Variants in TSHZ2 observed in about 807,000 individuals in gnomAD.
The protein encoded by TSHZ2 is teashirt homolog 2.
TSHZ2 carries 21 observed loss-of-function variants against 74.4 expected under a neutral mutation model. The ratio of observed to expected loss-of-function variants is 0.28; its 90% CI spans 0.20 to 0.41. The LOEUF is 0.41. Among genes scored for constraint, TSHZ2 ranks in the 10% least tolerant of loss-of-function variants. The probability of loss-of-function intolerance (pLI) is 1.00; values close to 1 mark genes in which losing one functional copy is unlikely to be tolerated. For missense variants in TSHZ2, 1,244 were observed against 1,293.5 expected (o/e 0.96, Z 0.59); for synonymous variants, 540 against 515.3 (o/e 1.05, Z -0.65).
At chr20:53,080,664 G>A (rs553552213) in intron 1 of TSHZ2, among the ~76,000 whole-genome samples, 1 of 152,244 alleles carries the variant, frequency 6.6e-6, no homozygotes, top group East Asian at 1.9e-4. Flanking sequence ...TATGAAAATC[G>A]AATGCCCCTG....
intron 2 of TSHZ2, among the ~76,000 whole-genome samples, chr20:53,424,965 T>C (rs1983606430): frequency 6.6e-6 from 1 of 152,250 alleles, no homozygotes; most frequent in Admixed American, 6.5e-5. Flanking sequence ...CAGTCTATCA[T>C]TGATGGGCAT....
At chr20:52,978,232 G>A (rs1198005814) in intron 1 of TSHZ2, among the ~76,000 whole-genome samples, 3 of 152,158 alleles carry the variant, frequency 2.0e-5, no homozygotes, top group Non-Finnish European at 4.4e-5. Flanking sequence ...GGTCATGGGG[G>A]TGGGGGCACA....
chr20:53,112,957 A>G (rs1235768319), intron 1 of TSHZ2, among the ~76,000 whole-genome samples: 1 of 152,226 alleles, frequency 6.6e-6, no homozygotes, highest in South Asian at 2.1e-4. Flanking sequence ...GGGGCCTGAG[A>G]AAAGGACAGG....
chr20:53,328,339 A>G (rs1209867800), intron 2 of TSHZ2, among the ~76,000 whole-genome samples: 1 of 152,252 alleles, frequency 6.6e-6, no homozygotes, highest in East Asian at 1.9e-4. Context: ...AGCACTGTGC[A>G]AGCAGCAGGA....
At chr20:53,271,994 G>T (rs191821644) in intron 2 of TSHZ2, among the ~76,000 whole-genome samples, 3 of 152,130 alleles carry the variant, frequency 2.0e-5, no homozygotes, top group Admixed American at 2.0e-4. Context: ...TGCAGGGCTG[G>T]GAAGTGAGTG....
chr20:53,089,967 G>A (rs1388888848), intron 1 of TSHZ2, among the ~76,000 whole-genome samples: 1 of 152,250 alleles, frequency 6.6e-6, no homozygotes, highest in Non-Finnish European at 1.5e-5. Flanking sequence ...CCATCTGCAA[G>A]CTGAGGAGCA....
chr20:53,201,339 C>T (rs1388836891), intron 1 of TSHZ2, among the ~76,000 whole-genome samples: 1 of 152,110 alleles, frequency 6.6e-6, no homozygotes, highest in Non-Finnish European at 1.5e-5. Context: ...CGGGAGGCTC[C>T]AGAGGAGATT....
chr20:53,159,615 A>G (rs1256090745), intron 1 of TSHZ2, among the ~76,000 whole-genome samples: 1 of 152,114 alleles, frequency 6.6e-6, no homozygotes, highest in Non-Finnish European at 1.5e-5. Context: ...AAAGAGAAAT[A>G]AATGTTTTTT....
intron 2 of TSHZ2, among the ~76,000 whole-genome samples, chr20:53,470,040 C>A (rs914484392): frequency 6.6e-6 from 1 of 152,194 alleles, no homozygotes; most frequent in African/African-American, 2.4e-5. Context: ...AAGAGTCCCT[C>A]TTGCCATTTG....
chr20:53,412,247 G>C (rs1983079356), intron 2 of TSHZ2, among the ~76,000 whole-genome samples: 1 of 152,182 alleles, frequency 6.6e-6, no homozygotes, highest in Non-Finnish European at 1.5e-5. Context: ...CTCTATGGCT[G>C]CTCCTCTGGT....
chr20:53,433,576 GACACACAGACACACACACACACACACAC>G (rs1983921825), intron 2 of TSHZ2, among the ~76,000 whole-genome samples: 1 of 76,700 alleles, frequency 1.3e-5, no homozygotes, highest in Non-Finnish European at 2.7e-5. Context: ...CAGACACACA[GACACACAGACACACACACACACACACAC>G]ACACACACAC....
rs897875832 is a variant in TSHZ2 at position 53,485,899 on chromosome 20, A to T, written c.*9-1245A>T. Among the ~76,000 whole-genome samples the T allele has an allele frequency of 3.3e-4, 50 of 152,224 alleles. 1 individual carries two copies. The highest frequency in any genetic ancestry group is 1.1e-3 in the African/African-American group (45 of 41,458). On this transcript the variant is annotated intron_variant, in intron 2 of 2. Transcript: ENST00000371497. ...TTGCAGTAAAATACACACAACATAAAATTTATCATTTTCACTATTAAGTGC... is the reference window on the plus strand; with the variant it reads ...TTGCAGTAAAATACACACAACATAATATTTATCATTTTCACTATTAAGTGC...
intron 1 of TSHZ2, among the ~76,000 whole-genome samples, chr20:53,042,697 A>G (rs969451920): frequency 1.9e-5 from 2 of 103,440 alleles, no homozygotes; most frequent in Non-Finnish European, 4.4e-5. Flanking sequence ...ATGGAAGTAG[A>G]GAAGAAAAAA....
At position 53,034,323 on chromosome 20, in the gene TSHZ2, TTA is replaced by T. The variant is rs1983745621; in HGVS notation, c.40+60998_40+60999del. ...ACAGCTGCATTAAAGGGTTGTTGGC[TTA>T]TATATATTATCAATAGCTTTTATTA... is the stretch of plus-strand genomic sequence containing the variant. On this transcript the variant is annotated intron_variant, in intron 1 of 2. Transcript: ENST00000371497. Among the ~76,000 whole-genome samples, 3 of 152,194 alleles carry T rather than the reference TTA, an allele frequency of 2.0e-5. No homozygotes were observed. The South Asian group carries it at 6.2e-4, about 32-fold the overall frequency.
At chr20:53,217,269 C>T (rs1372529319) in intron 1 of TSHZ2, among the ~76,000 whole-genome samples, 1 of 152,156 alleles carries the variant, frequency 6.6e-6, no homozygotes, top group African/African-American at 2.4e-5. Flanking sequence ...GTACCAGCGC[C>T]CTCTGCTGGT....
chr20:53,242,307 CA>C (rs1003499511), intron 1 of TSHZ2, among the ~76,000 whole-genome samples: 2 of 152,096 alleles, frequency 1.3e-5, no homozygotes, highest in African/African-American at 4.8e-5. Flanking sequence ...CCCTGGGGAA[CA>C]AAAACCACCC....
rs1006347589 is a variant in TSHZ2, at chr20:53,127,819, G to C, written c.41-125680G>C. Among the ~76,000 whole-genome samples the C allele has an allele frequency of 5.3e-5, 8 of 152,306 alleles. 1 individual carries two copies. The East Asian group carries it at 1.5e-3, about 29-fold the overall frequency. ...ACAAGATGACTTGCTCACGGTCAGA[G>C]GGCCAGGAAGAGGCAGAGGCATGAT... On this transcript the variant is annotated intron_variant, in intron 1 of 2. Transcript: ENST00000371497.
At chr20:53,041,558 A>G (rs1984042645) in intron 1 of TSHZ2, among the ~76,000 whole-genome samples, 1 of 151,494 alleles carries the variant, frequency 6.6e-6, no homozygotes, top group South Asian at 2.1e-4. Flanking sequence ...ACAGTTTCTC[A>G]AGGAAGACTA....
intron 1 of TSHZ2, among the ~76,000 whole-genome samples, chr20:52,986,237 G>GAA (rs1055199752): frequency 6.3e-5 from 9 of 142,956 alleles, no homozygotes; most frequent in Admixed American, 4.1e-4. Context: ...TAAAAATACA[G>GAA]AAAAAAAAAA....
Sources: allele counts gnomAD v4.1 joint callset (sites outside exome capture counted in the v4.1 genomes callset), GRCh38; gene constraint gnomAD v4.1.1; transcripts MANE v1.5; gene names NCBI Gene and HGNC (gene_info 2026-07-23, HGNC 2026-07-21).